Variants in SMOC2 observed in about 807,000 individuals in gnomAD.
SMOC2 encodes the protein SPARC-related modular calcium-binding protein 2.
SMOC2 carries 39 observed loss-of-function variants against 61.4 expected under a neutral mutation model. The ratio of observed to expected loss-of-function variants is 0.64; its 90% CI spans 0.49 to 0.83. The LOEUF is 0.83. Ranked by LOEUF, SMOC2 falls within the 40% of genes least tolerant of loss-of-function variation. SMOC2 has a pLI of 0.00. For missense variants in SMOC2, 556 were observed against 592.9 expected (o/e 0.94, Z 0.65); for synonymous variants, 247 against 239.9 (o/e 1.03, Z -0.27).
At chr6:168,540,806 A>G (rs566940627) in intron 4 of SMOC2, among the ~76,000 whole-genome samples, 28 of 152,004 alleles carry the variant, frequency 1.8e-4, no homozygotes, top group Non-Finnish European at 4.0e-4. Flanking sequence ...ACCTGCCCCC[A>G]GGATGTGAAG....
chr6:168,623,634 C>T (rs1001368149), intron 9 of SMOC2, among the ~76,000 whole-genome samples: 6 of 143,838 alleles, frequency 4.2e-5, no homozygotes, highest in African/African-American at 1.5e-4. Context: ...CCACACCTGG[C>T]CAATAATTAT....
rs1236391513 is a variant in SMOC2 at position 168,535,945 on chromosome 6, C to T, written c.464-7680C>T. On this transcript the variant is annotated intron_variant, in intron 4 of 12. Coordinates refer to ENST00000356284, the MANE Select transcript of SMOC2 (RefSeq NM_001166412.2). This position sits in a 1 kb window ranked among gnomAD's most constrained non-coding sequence, Gnocchi z 4.6. ...GATCCTGGGGACACGTGAGGAATAA[C>T]GCAGCAGCCATGCAGCTTCACGGCA... 2.0e-5 allele frequency among the ~76,000 whole-genome samples: 3 copies of T among 152,354 alleles called. No individual in the cohort carries two copies. The highest frequency in any genetic ancestry group is 1.9e-4 in the East Asian group (1 of 5,182).
intron 8 of SMOC2, among the ~76,000 whole-genome samples, chr6:168,606,159 T>C (rs1785681952): frequency 6.6e-6 from 1 of 152,150 alleles, no homozygotes; most frequent in African/African-American, 2.4e-5. Flanking sequence ...GGTGAATGTT[T>C]TACTTCTCAC....
intron 8 of SMOC2, among the ~76,000 whole-genome samples, chr6:168,601,667 C>T (rs1225145618): frequency 2.0e-5 from 3 of 152,060 alleles, no homozygotes; most frequent in South Asian, 2.1e-4. Context: ...AGGTAGAGAC[C>T]GCTGGCAGAT....
intron 11 of SMOC2, among the ~76,000 whole-genome samples, chr6:168,663,068 C>T (rs1787563025): frequency 6.6e-6 from 1 of 152,112 alleles, no homozygotes; most frequent in Non-Finnish European, 1.5e-5. Context: ...CTGAAGATTA[C>T]AGCTATTTGT....
At chr6:168,661,998 ACT>A (rs1787520507) in intron 11 of SMOC2, among the ~76,000 whole-genome samples, 1 of 152,128 alleles carries the variant, frequency 6.6e-6, no homozygotes, top group Non-Finnish European at 1.5e-5. Context: ...ACCTTTTCAT[ACT>A]CTGTTTCTAT....
rs948431842 is a variant in SMOC2, at chr6:168,495,788, G to A, written c.85-14127G>A. Among the ~76,000 whole-genome samples the A allele has an allele frequency of 3.3e-5, 5 of 151,998 alleles. 1 individual carries two copies. Among genetic ancestry groups the A allele is most frequent in the African/African-American group, 1.2e-4 (5 of 41,386 alleles). On this transcript the variant is annotated intron_variant, in intron 1 of 12. Transcript: ENST00000356284. ...CCCTGGCAGCCTCACCCACCTGCAG[G>A]GTTCACCTGGGGGCTCCACCCACCT...
intron 8 of SMOC2, among the ~76,000 whole-genome samples, chr6:168,601,879 G>T (rs192927913): frequency 6.6e-6 from 1 of 152,128 alleles, no homozygotes; most frequent in African/African-American, 2.4e-5. Context: ...GCTTCATTCC[G>T]CTGTCATGGC....
intron 7 of SMOC2, among the ~76,000 whole-genome samples, chr6:168,571,550 T>G (rs970868033): frequency 6.6e-6 from 1 of 152,220 alleles, no homozygotes; most frequent in African/African-American, 2.4e-5. Flanking sequence ...TGTATGGTTC[T>G]GTTTAGACGG....
chr6:168,642,660 G>T (rs1786922114), intron 9 of SMOC2, among the ~76,000 whole-genome samples: 1 of 152,224 alleles, frequency 6.6e-6, no homozygotes, highest in African/African-American at 2.4e-5. Flanking sequence ...CCAGGCCCTT[G>T]AGGATGACGC....
chr6:168,552,877 G>A (rs919710557), intron 7 of SMOC2, among the ~76,000 whole-genome samples: 2 of 119,622 alleles, frequency 1.7e-5, no homozygotes, highest in African/African-American at 6.4e-5. Flanking sequence ...AGAGCCCACC[G>A]AGGGTGGCCC....
intron 2 of SMOC2, among the ~76,000 whole-genome samples, chr6:168,521,217 C>T (rs779760378): frequency 3.3e-5 from 5 of 152,062 alleles, no homozygotes; most frequent in Non-Finnish European, 7.4e-5. Context: ...GGCACGATCT[C>T]GGCTCACTGC....
At chr6:168,534,067 T>TC (rs1466930513) in intron 4 of SMOC2, among the ~76,000 whole-genome samples, 2 of 152,086 alleles carry the variant, frequency 1.3e-5, no homozygotes, top group African/African-American at 4.8e-5. Flanking sequence ...GCAACAAAAG[T>TC]GAGACCCCCC....
intron 1 of SMOC2, among the ~76,000 whole-genome samples, chr6:168,456,936 G>C (rs1297037638): frequency 6.6e-6 from 1 of 152,162 alleles, no homozygotes; most frequent in Non-Finnish European, 1.5e-5. Context: ...TGAGCTCAGG[G>C]GAAAAGCAAC....
At chr6:168,498,987 G>A (rs1782661118) in intron 1 of SMOC2, among the ~76,000 whole-genome samples, 1 of 143,040 alleles carries the variant, frequency 7.0e-6, no homozygotes, top group African/African-American at 2.7e-5. Context: ...AGGGCCCATA[G>A]CCTGTCTACT....
chr6:168,471,768 T>C (rs1235617923), intron 1 of SMOC2, among the ~76,000 whole-genome samples: 1 of 152,256 alleles, frequency 6.6e-6, no homozygotes, highest in African/African-American at 2.4e-5. Context: ...TATTTATTTT[T>C]GGATAGTGCC....
Position 168,653,130 on chromosome 6 carries a change from G to C in SMOC2, c.1187G>C (p.Cys396Ser). The change falls in exon 11 of 13, where the codon TGT becomes TCT. Residue 396 changes from cysteine to serine, a missense_variant. By Grantham distance (112) the Cys-to-Ser change is moderately radical. Transcript: ENST00000356284. The stretch of plus-strand genomic sequence containing the variant: ...TGTGTGAAGAAGTTTGTTGAATACT[G>C]TGACGTGAATAATGACAAATCCATC... Reference protein sequence around the residue: ...KKCVKKFVEYCDVNNDKSISV... With the variant: ...KKCVKKFVEYSDVNNDKSISV... 6.2e-7 allele frequency: 1 copy of C among 1,614,218 alleles called. No homozygotes were observed. Among genetic ancestry groups the C allele is most frequent in the East Asian group, 2.2e-5 (1 of 44,888 alleles).
intron 7 of SMOC2, among the ~76,000 whole-genome samples, chr6:168,568,933 A>G (rs1339404833): frequency 1.3e-5 from 2 of 152,230 alleles, no homozygotes; most frequent in Non-Finnish European, 2.9e-5. Flanking sequence ...TGGATGCACC[A>G]TAGTTCATCT....
Position 168,543,716 on chromosome 6 carries a change from A to T in SMOC2, c.511+44A>T, listed in dbSNP as rs768468076. ...ATGTCTATGACGATATGTAACATCT[A>T]ACTTATCCCGTGAAATAACTTCTCA... On this transcript the variant is annotated intron_variant, in intron 5 of 12. Transcript: ENST00000356284. The T allele has an allele frequency of 5.8e-6, 9 of 1,544,780 alleles. No homozygotes were observed. The African/African-American group carries it at 1.2e-4, about 21-fold the overall frequency.
Sources: gnomAD v4.1 joint callset for allele counts (sites outside exome capture counted in the v4.1 genomes callset) on GRCh38, gnomAD v4.1.1 for gene constraint, Gnocchi (gnomAD v3.1) non-coding constraint, MANE v1.5 for transcripts, NCBI Gene and HGNC (gene_info 2026-07-23, HGNC 2026-07-21) for gene names.